PSMA5: variants seen among roughly 807,000 people sequenced by gnomAD.
PSMA5 encodes proteasome 20S subunit alpha 5, also known as proteasome subunit alpha type-5.
In PSMA5, 3 loss-of-function variants were observed where a neutral mutation model predicts 34.5. That is an observed-to-expected ratio of 0.09 (90% CI 0.04 to 0.22). The LOEUF is 0.22. Ranked by LOEUF, PSMA5 falls within the 10% of genes least tolerant of loss-of-function variation. The pLI, the probability that PSMA5 is intolerant of heterozygous loss-of-function variation, is 1.00. For missense variants in PSMA5, 120 were observed against 286.1 expected (o/e 0.42, Z 4.19); for synonymous variants, 88 against 95.8 (o/e 0.92, Z 0.47).
chr1:109,403,417 A>T (rs1313478481), intron 8 of PSMA5, among the ~76,000 whole-genome samples: 1 of 151,806 alleles, frequency 6.6e-6, no homozygotes, highest in East Asian at 1.9e-4. Flanking sequence ...TGAGCCCGAG[A>T]GTCAAAAACC....
intron 4 of PSMA5, 80 bp downstream of exon 4, chr1:109,412,988 C>A: frequency 8.3e-7 from 1 of 1,206,336 alleles, no homozygotes. Flanking sequence ...CAGGTACCTG[C>A]AGTATAGCCC....
At chr1:109,423,118 G>A (rs1274003458) in intron 1 of PSMA5, among the ~76,000 whole-genome samples, 1 of 152,230 alleles carries the variant, frequency 6.6e-6, no homozygotes, top group Non-Finnish European at 1.5e-5. Context: ...ATGGAGTCCA[G>A]ACTTTACAAC....
chr1:109,400,547 ATGCTATAC>A lies in PSMA5; in HGVS notation c.*1458_*1465del, dbSNP rs1571008147. 6.6e-6 allele frequency: 1 copy of A among 152,242 alleles called. No homozygotes were observed. The highest frequency in any genetic ancestry group is 1.9e-4 in the East Asian group (1 of 5,202). 9.4% of individuals were successfully genotyped at this position (152,242 alleles called of 1,614,324 possible). A position where few individuals can be genotyped will look rare whatever the true frequency, so the allele number is the denominator to read the frequency against. On this transcript the variant is annotated 3_prime_UTR_variant, in exon 9 of 9. Coordinates refer to ENST00000271308, the MANE Select transcript of PSMA5 (RefSeq NM_002790.4). ...TAGAGAAACAAATCTCCCCATCAAC[ATGCTATAC>A]TTAATAAGTGTTAAAATCACTAGAA...
chr1:109,420,383 A>C (rs1406663630), intron 2 of PSMA5, among the ~76,000 whole-genome samples: 2 of 152,150 alleles, frequency 1.3e-5, no homozygotes, highest in African/African-American at 4.8e-5. Context: ...ATAAAAAAAA[A>C]CCATACATCT....
intron 8 of PSMA5, 55 bp downstream of exon 8, chr1:109,409,869 CCAGA>C: frequency 8.0e-7 from 1 of 1,256,588 alleles, no homozygotes; most frequent in South Asian, 1.3e-5. Flanking sequence ...GGCAATATAG[CCAGA>C]CCTCATCTCT....
intron 8 of PSMA5, among the ~76,000 whole-genome samples, chr1:109,403,928 A>T (rs1198642962): frequency 6.6e-6 from 1 of 152,220 alleles, no homozygotes; most frequent in Non-Finnish European, 1.5e-5. Flanking sequence ...GAAATGTCAG[A>T]AAAGTCCCAA....
At chr1:109,413,204 TC>T in intron 3 of PSMA5, 69 bp from the exon 4 acceptor site, 1 of 1,460,370 alleles carries the variant, frequency 6.8e-7, no homozygotes, top group Non-Finnish European at 9.6e-7. Context: ...ACTCAGGAAA[TC>T]CTGAAATTCT....
chr1:109,426,382 G>T lies in PSMA5; in HGVS notation c.-52C>A. 6.2e-7 allele frequency: 1 copy of T among 1,606,972 alleles called. No individual in the cohort carries two copies. The highest frequency in any genetic ancestry group is 1.1e-5 in the South Asian group (1 of 90,918). ...ACGCGGGGATTCTGAGGACCAACAC[G>T]ACTCCACCGGCACCCAACTCACCGG... On this transcript the variant is annotated 5_prime_UTR_variant, in exon 1 of 9. Coordinates refer to ENST00000271308, the MANE Select transcript of PSMA5 (RefSeq NM_002790.4).
Position 109,415,149 on chromosome 1 carries a change from G to A in PSMA5, c.223+88C>T, listed in dbSNP as rs963726498. On this transcript the variant is annotated intron_variant, in intron 3 of 8. Transcript: ENST00000271308. ...ATAATAGCTAACAAGGGGATAACGTGTTCATTTCATAAACCTTCCTTGGAA... is the reference window on the plus strand; with the variant it reads ...ATAATAGCTAACAAGGGGATAACGTATTCATTTCATAAACCTTCCTTGGAA... 1.3e-5 allele frequency: 19 copies of A among 1,428,492 alleles called. No homozygotes were observed. In the African/African-American group the frequency reaches 2.7e-4, roughly 20 times the overall value. The allele number at this position is 1,428,492 out of a possible 1,614,324, so 88.5% of individuals were successfully genotyped here.
intron 3 of PSMA5, 130 bp downstream of exon 3, chr1:109,415,107 G>T: frequency 8.7e-7 from 1 of 1,151,586 alleles, no homozygotes; most frequent in Non-Finnish European, 1.2e-6. Context: ...TACGCATTCT[G>T]GCCTACTGCC....
chr1:109,400,372 A>G lies in PSMA5; in HGVS notation c.*1641T>C, dbSNP rs371841182. The G allele has an allele frequency of 6.6e-6, 1 of 152,268 alleles. No homozygotes were observed. The highest frequency in any genetic ancestry group is 1.5e-5 in the Non-Finnish European group (1 of 68,044). The allele number at this position is 152,268 out of a possible 1,614,324, so 9.4% of individuals were successfully genotyped here. A position where few individuals can be genotyped will look rare whatever the true frequency, so the allele number is the denominator to read the frequency against. On this transcript the variant is annotated 3_prime_UTR_variant, in exon 9 of 9. Transcript: ENST00000271308. ...TAGAAGTTTCACAGGAGCACAGATC[A>G]TATCTACCATTTGAACAGCTCTCTG...
chr1:109,411,909 T>C lies in PSMA5; in HGVS notation c.426A>G (p.Leu142=), dbSNP rs1294920959. 2 of 1,612,996 alleles carry C rather than the reference T, an allele frequency of 1.2e-6. No individual in the cohort carries two copies. The highest frequency in any genetic ancestry group is 1.3e-5 in the African/African-American group (1 of 74,846). ...GTCCTTTCTCATCAACTCCTCCAAA[T>C]AATAATGCTACTCCAAAGGGACGAG... ...AMSRPFGVAL[L]FGGVDEKGPQ... is the part of the protein sequence containing the mutation. The change falls in exon 6 of 9, where the codon TTA becomes TTG. Residue 142 remains leucine (L), a synonymous_variant. Transcript: ENST00000271308.
chr1:109,408,712 A>C (rs1234229493), intron 8 of PSMA5, among the ~76,000 whole-genome samples: 1 of 146,200 alleles, frequency 6.8e-6, no homozygotes, highest in African/African-American at 2.6e-5. Flanking sequence ...TTTTTTCGGG[A>C]CGGAGTCTCG....
chr1:109,412,912 C>T, intron 4 of PSMA5, 156 bp downstream of exon 4: 1 of 616,132 alleles, frequency 1.6e-6, no homozygotes, highest in South Asian at 2.1e-5. Flanking sequence ...AAACTCCAAG[C>T]CCCAGGAAGT....
At chr1:109,407,342 G>A (rs1163836857) in intron 8 of PSMA5, among the ~76,000 whole-genome samples, 1 of 152,156 alleles carries the variant, frequency 6.6e-6, no homozygotes, top group Non-Finnish European at 1.5e-5. Flanking sequence ...GGAGCTCCAA[G>A]GAACAACTAA....
Position 109,401,902 on chromosome 1 carries a change from A to G in PSMA5, c.*111T>C. On this transcript the variant is annotated 3_prime_UTR_variant, in exon 9 of 9. Coordinates refer to ENST00000271308, the MANE Select transcript of PSMA5 (RefSeq NM_002790.4). The stretch of plus-strand genomic sequence containing the variant: ...CTGCCTTTATGTACAGACATCATTT[A>G]AAAAATGCACATACAATGGAGATTT... The G allele has an allele frequency of 1.2e-6, 1 of 817,342 alleles. No individual in the cohort carries two copies. The allele number at this position is 817,342 out of a possible 1,614,324, so 50.6% of individuals were successfully genotyped here.
At chr1:109,420,190 A>G (rs1276160088) in intron 2 of PSMA5, among the ~76,000 whole-genome samples, 1 of 151,938 alleles carries the variant, frequency 6.6e-6, no homozygotes, top group Non-Finnish European at 1.5e-5. Context: ...TGTGAAAAGC[A>G]TTTAGTTATA....
chr1:109,419,297 T>C (rs750254673), intron 2 of PSMA5, among the ~76,000 whole-genome samples: 15 of 152,014 alleles, frequency 9.9e-5, no homozygotes, highest in Non-Finnish European at 1.5e-4. Flanking sequence ...TCACAGAAAA[T>C]GAAGTCCACA....
intron 3 of PSMA5, 145 bp downstream of exon 3, chr1:109,415,092 A>T (rs1654137831): frequency 1.0e-6 from 1 of 982,298 alleles, no homozygotes; most frequent in Non-Finnish European, 1.4e-6. Context: ...TCCTACTCCT[A>T]CATTTACGCA....
Sources: allele counts gnomAD v4.1 joint callset (sites outside exome capture counted in the v4.1 genomes callset), GRCh38; gene constraint gnomAD v4.1.1; transcripts MANE v1.5; gene names NCBI Gene and HGNC (gene_info 2026-07-23, HGNC 2026-07-21).